Variants in ZNF737 observed in about 807,000 individuals in gnomAD.
The protein encoded by ZNF737 is zinc finger protein 737.
A neutral mutation model predicts 11.7 loss-of-function variants in ZNF737; 13 were observed. The ratio of observed to expected loss-of-function variants is 1.11; its 90% CI spans 0.73 to 1.77. The LOEUF is 1.77. Ranked by LOEUF, ZNF737 falls within the 40% of genes most tolerant of loss-of-function variation. The pLI, the probability that ZNF737 is intolerant of heterozygous loss-of-function variation, is 0.00. For missense variants in ZNF737, 636 were observed against 638.0 expected, an observed-to-expected ratio of 1.00 and a Z score of 0.03; for synonymous variants, 217 against 216.2, an observed-to-expected ratio of 1.00 and a Z score of -0.03.
At chr19:20,531,766 C>CT (rs1967834790), downstream of ZNF737, among the ~76,000 whole-genome samples, 1 of 149,980 alleles carries the variant, frequency 6.7e-6, no homozygotes, top group South Asian at 2.2e-4. Flanking sequence ...CTGGAAATTA[C>CT]TTTTTATCTC....
chr19:20,564,481 C>T (rs1969220255), intron 1 of ZNF737, among the ~76,000 whole-genome samples: 1 of 151,776 alleles, frequency 6.6e-6, no homozygotes, highest in South Asian at 2.1e-4. Context: ...ACTGAAACTC[C>T]ATCTCTACTA....
chr19:20,533,957 C>T (rs1967890961), downstream of ZNF737, among the ~76,000 whole-genome samples: 2 of 150,008 alleles, frequency 1.3e-5, no homozygotes, highest in Non-Finnish European at 3.0e-5. Flanking sequence ...AACTAATGGG[C>T]TCATCAGTTG....
chr19:20,539,925 C>T lies in ZNF737; in HGVS notation c.*4667G>A, dbSNP rs1289007646. 6.5e-5 allele frequency: 64 copies of T among 983,752 alleles called. No individual in the cohort carries two copies. In the African/African-American group the frequency reaches 1.1e-3, roughly 16 times the overall value. The allele number at this position is 983,752 out of a possible 1,614,324, so 60.9% of individuals were successfully genotyped here. ...TCACTACAGCTTACTAAATACTGTT[C>T]CATAATGCCAGTGAGCACTTTTACC... On this transcript the variant is annotated 3_prime_UTR_variant, in exon 4 of 4. Transcript: ENST00000427401.
rs1335358949 is a variant in ZNF737, at chr19:20,540,356, T to C, written c.*4236A>G. Among the ~76,000 whole-genome samples, 6 of 152,068 alleles carry C rather than the reference T, an allele frequency of 3.9e-5. No homozygotes were observed. Among genetic ancestry groups the C allele is most frequent in the Admixed American group, 6.5e-5 (1 of 15,272 alleles). On this transcript the variant is annotated 3_prime_UTR_variant, in exon 4 of 4. Coordinates refer to ENST00000427401, the MANE Select transcript of ZNF737 (RefSeq NM_001159293.2). ...TTTCATAAGTGATTTCCCACCACAG[T>C]CACACATTTTTTTTACACTCAAGAG...
Position 20,543,011 on chromosome 19 carries a change from G to A in ZNF737, c.*1581C>T, listed in dbSNP as rs1968281106. The A allele has an allele frequency of 4.1e-6, 4 of 985,068 alleles. No individual in the cohort carries two copies. In the African/African-American group the frequency reaches 7.0e-5, roughly 17 times the overall value. 61.0% of individuals were successfully genotyped at this position (985,068 alleles called of 1,614,324 possible). On this transcript the variant is annotated 3_prime_UTR_variant, in exon 4 of 4. Coordinates refer to ENST00000427401, the MANE Select transcript of ZNF737 (RefSeq NM_001159293.2). ...TCATTTACCTAAAAACTGCAGTTGT[G>A]GATTAGTTTTTATATTCAATGCTCT...
At chr19:20,530,475 G>T in the ZNF737 span, among the ~76,000 whole-genome samples, 35 of 148,980 alleles carry the variant, frequency 2.3e-4, 2 homozygotes, top group African/African-American at 7.7e-4. Context: ...CCCAGATGGG[G>T]TGGCAGCCGG....
At chr19:20,530,923 T>C (rs553468878), downstream of ZNF737, among the ~76,000 whole-genome samples, 334 of 148,662 alleles carry the variant, frequency 2.2e-3, 14 homozygotes, top group African/African-American at 8.0e-3. Context: ...ACCACTGCAC[T>C]CCAGCCTGGG....
chr19:20,544,539 T>A lies in ZNF737; in HGVS notation c.*53A>T. 1.0e-5 allele frequency: 16 copies of A among 1,543,430 alleles called. No homozygotes were observed. Among genetic ancestry groups the A allele is most frequent in the Non-Finnish European group, 1.4e-5 (16 of 1,151,944 alleles). ...AGTTTCCCTCCAATATGAATTTTCT[T>A]ATGTGAAAAAAGCATAGTGGGATAG... On this transcript the variant is annotated 3_prime_UTR_variant, in exon 4 of 4. Coordinates refer to ENST00000427401, the MANE Select transcript of ZNF737 (RefSeq NM_001159293.2).
Position 20,544,144 on chromosome 19 carries a change from G to C in ZNF737, c.*448C>G, listed in dbSNP as rs1555755770. 2.0e-6 allele frequency: 2 copies of C among 1,001,464 alleles called. No individual in the cohort carries two copies. Among genetic ancestry groups the C allele is most frequent in the Non-Finnish European group, 1.2e-6 (1 of 839,448 alleles). 62.0% of individuals were successfully genotyped at this position (1,001,464 alleles called of 1,614,324 possible). A position where few individuals can be genotyped will look rare whatever the true frequency, so the allele number is the denominator to read the frequency against. The stretch of plus-strand genomic sequence containing the variant: ...ACTTCATCTCAAAAAAAAAAATATT[G>C]AAAACTTGTTATAGGATTTGCCACA... On this transcript the variant is annotated 3_prime_UTR_variant, in exon 4 of 4. Coordinates refer to ENST00000427401, the MANE Select transcript of ZNF737 (RefSeq NM_001159293.2).
In ZNF737 at chr19:20,545,305, G is replaced by A. The variant is rs1968403995; in HGVS notation, c.898C>T (p.Leu300Phe). ...CTATGAATTATCTTATGCGCAGTAA[G>A]GATAGAGGAGCGCTTAAAGGCCTTG... ...CGKAFKRSSI[L>F]TAHKIIHSGE... Residue 300 changes from leucine to phenylalanine, a missense_variant, in exon 4 of 4, where the codon CTT (leucine) becomes TTT (phenylalanine). By Grantham distance (22) the Leu-to-Phe change is conservative. Coordinates refer to ENST00000427401, the MANE Select transcript of ZNF737 (RefSeq NM_001159293.2). 1 of 1,613,094 alleles carries A rather than the reference G, an allele frequency of 6.2e-7. No individual in the cohort carries two copies. The highest frequency in any genetic ancestry group is 8.5e-7 in the Non-Finnish European group (1 of 1,179,662).
downstream of ZNF737, among the ~76,000 whole-genome samples, chr19:20,535,175 G>A (rs1275761371): frequency 6.6e-6 from 1 of 152,086 alleles, no homozygotes; most frequent in Non-Finnish European, 1.5e-5. Context: ...CTACTCAGGA[G>A]GCTTAGGCAT....
At chr19:20,531,702 C>A (rs1429127805), downstream of ZNF737, among the ~76,000 whole-genome samples, 2 of 149,930 alleles carry the variant, frequency 1.3e-5, no homozygotes, top group African/African-American at 4.9e-5. Flanking sequence ...AGGTGATCCA[C>A]CTGCCTCAGC....
Position 20,542,611 on chromosome 19 carries a change from CT to C in ZNF737, c.*1980del, listed in dbSNP as rs1339983415. 1.0e-6 allele frequency: 1 copy of C among 971,734 alleles called. No homozygotes were observed. The highest frequency in any genetic ancestry group is 1.2e-6 in the Non-Finnish European group (1 of 817,702). 60.2% of individuals were successfully genotyped at this position (971,734 alleles called of 1,614,324 possible). On this transcript the variant is annotated 3_prime_UTR_variant, in exon 4 of 4. Coordinates refer to ENST00000427401, the MANE Select transcript of ZNF737 (RefSeq NM_001159293.2). ...TAATATACTCATTTATTTTAATATA[CT>C]TTTAATTATTTCTTTGTGTCACTAT...
intron 1 of ZNF737, among the ~76,000 whole-genome samples, chr19:20,554,590 G>T (rs1274868959): frequency 6.6e-6 from 1 of 152,112 alleles, no homozygotes; most frequent in African/African-American, 2.4e-5. Context: ...AACTTCACTA[G>T]AAGAAATTTT....
chr19:20,539,709 A>C lies in ZNF737; in HGVS notation c.*4883T>G, dbSNP rs1968122757. The stretch of plus-strand genomic sequence containing the variant: ...AAATTCATTGTTTTTAAGGTTTTTC[A>C]AATATGAAAACAGACAATTAGGTAT... On this transcript the variant is annotated 3_prime_UTR_variant, in exon 4 of 4. Coordinates refer to ENST00000427401, the MANE Select transcript of ZNF737 (RefSeq NM_001159293.2). 1 of 977,532 alleles carries C rather than the reference A, an allele frequency of 1.0e-6. No individual in the cohort carries two copies. The highest frequency in any genetic ancestry group is 1.2e-6 in the Non-Finnish European group (1 of 822,900). The allele number at this position is 977,532 out of a possible 1,614,324, so 60.6% of individuals were successfully genotyped here. A position where few individuals can be genotyped will look rare whatever the true frequency, so the allele number is the denominator to read the frequency against.
intron 1 of ZNF737, among the ~76,000 whole-genome samples, chr19:20,564,351 A>G (rs1158787754): frequency 6.6e-6 from 1 of 152,220 alleles, no homozygotes; most frequent in Non-Finnish European, 1.5e-5. Flanking sequence ...TGACGAATCT[A>G]TGTAACTCAT....
chr19:20,554,169 G>A (rs1968799151), intron 1 of ZNF737, among the ~76,000 whole-genome samples: 1 of 152,186 alleles, frequency 6.6e-6, no homozygotes, highest in Non-Finnish European at 1.5e-5. Context: ...AAGACATGTT[G>A]AGTTTAGAAG....
chr19:20,533,783 C>T (rs1411140331), downstream of ZNF737, among the ~76,000 whole-genome samples: 4 of 150,104 alleles, frequency 2.7e-5, no homozygotes, highest in Admixed American at 2.7e-4. Flanking sequence ...TCTGTAGCCA[C>T]TAGTTAGATA....
chr19:20,548,875 C>A (rs1173095424), intron 3 of ZNF737, among the ~76,000 whole-genome samples: 1 of 149,178 alleles, frequency 6.7e-6, no homozygotes, highest in East Asian at 2.0e-4. Flanking sequence ...CTCCACCAAG[C>A]CTGGCCCTGA....
Sources: gnomAD v4.1 joint callset for allele counts (sites outside exome capture counted in the v4.1 genomes callset) on GRCh38, gnomAD v4.1.1 for gene constraint, MANE v1.5 for transcripts, NCBI Gene and HGNC (gene_info 2026-07-23, HGNC 2026-07-21) for gene names.